The following MGST1 variants were observed in gnomAD, a reference collection of about 807,000 sequenced individuals.
MGST1 encodes the protein glutathione S-transferase 12.
In MGST1, 5 loss-of-function variants were observed where a neutral mutation model predicts 8.9. The observed-to-expected ratio is 0.56, with a 90% CI of 0.29 to 1.19. The LOEUF is 1.19. Ranked by LOEUF, MGST1 falls within the 50% of genes most tolerant of loss-of-function variation. The probability of loss-of-function intolerance (pLI) is 0.08; values close to 1 mark genes in which losing one functional copy is unlikely to be tolerated. For synonymous variants in MGST1, 54 were observed against 67.8 expected, an observed-to-expected ratio of 0.80 and a Z score of 1.00; for missense variants, 182 against 187.4, an observed-to-expected ratio of 0.97 and a Z score of 0.17.
rs1320267169 is a variant in MGST1 at position 16,537,960 on chromosome 12, A to G, written n.483-51568A>G. Among the ~76,000 whole-genome samples, 1 of 152,216 alleles carries G rather than the reference A, an allele frequency of 6.6e-6. No homozygotes were observed. Among genetic ancestry groups the G allele is most frequent in the African/African-American group, 2.4e-5 (1 of 41,464 alleles). The stretch of plus-strand genomic sequence containing the variant: ...CCTTGTTACTTATGCAAATTTCTGC[A>G]GCCAGCTTGAATTTCTTCTCAAAAA... On this transcript the variant is annotated intron_variant and non_coding_transcript_variant, in intron 4 of 4. Coordinates refer to the MGST1 transcript ENST00000538857. The surrounding 1 kb of genome is among the most constrained non-coding windows in gnomAD (Gnocchi z 4.6).
chr12:16,560,394 C>T lies in MGST1; in HGVS notation n.483-29134C>T. 4 of 1,607,610 alleles carry T rather than the reference C, an allele frequency of 2.5e-6. No individual in the cohort carries two copies. The highest frequency in any genetic ancestry group is 3.4e-6 in the Non-Finnish European group (4 of 1,177,328). On this transcript the variant is annotated intron_variant and non_coding_transcript_variant, in intron 4 of 4. Coordinates refer to the MGST1 transcript ENST00000538857. This position sits in a 1 kb window ranked among gnomAD's most constrained non-coding sequence, Gnocchi z 5.0. ...GAGAGGTTAACCATTTCTTAGAGAC[C>T]AAAAAGAGACCTGCTTACCTCTGAT...
At chr12:16,402,171 A>G (rs1591718170) in intron 1 of MGST1, 1 of 1,570,140 alleles carries the variant, frequency 6.4e-7, no homozygotes, top group Non-Finnish European at 8.8e-7. Flanking sequence ...TTGTTTCAAA[A>G]ACTCCACTTT....
chr12:16,383,725 T>G (rs1940479022), intron 1 of MGST1: 1 of 152,228 alleles, frequency 6.6e-6, no homozygotes, highest in South Asian at 2.1e-4. Flanking sequence ...CCTCCCAAAG[T>G]GCTGGGATTA....
At chr12:16,379,373 GT>G (rs1347022512), downstream of MGST1, among the ~76,000 whole-genome samples, 2 of 152,178 alleles carry the variant, frequency 1.3e-5, no homozygotes, top group Non-Finnish European at 2.9e-5. Context: ...GTCGAATTTT[GT>G]CAAAGGCCTT....
At chr12:16,448,877 T>C (rs1409389556) in intron 4 of MGST1, among the ~76,000 whole-genome samples, 2 of 151,858 alleles carry the variant, frequency 1.3e-5, no homozygotes, top group Non-Finnish European at 2.9e-5. Flanking sequence ...GGAAACATTA[T>C]CCCAGTTGGT....
chr12:16,426,231 A>G (rs915325885), intron 1 of MGST1, among the ~76,000 whole-genome samples: 7 of 152,214 alleles, frequency 4.6e-5, no homozygotes, highest in Admixed American at 3.3e-4. Flanking sequence ...CATTCATCTT[A>G]CCTTGGCTAT....
chr12:16,408,257 A>G (rs1354799393), intron 1 of MGST1, among the ~76,000 whole-genome samples: 1 of 152,040 alleles, frequency 6.6e-6, no homozygotes, highest in Non-Finnish European at 1.5e-5. Context: ...CAAAAAAACA[A>G]TAATAACTTT....
intron 3 of MGST1, among the ~76,000 whole-genome samples, chr12:16,372,698 A>C (rs1394890996): frequency 6.6e-6 from 1 of 151,898 alleles, no homozygotes; most frequent in African/African-American, 2.4e-5. Context: ...AAAGAACGGA[A>C]ATCAGTATAT....
intron 1 of MGST1, among the ~76,000 whole-genome samples, chr12:16,433,455 A>G (rs1940956778): frequency 6.6e-6 from 1 of 152,032 alleles, no homozygotes; most frequent in Non-Finnish European, 1.5e-5. Context: ...ACACAGGAAG[A>G]GCTCATGTTT....
At chr12:16,557,382 T>TC (rs1332493201) in intron 4 of MGST1, among the ~76,000 whole-genome samples, 2 of 151,810 alleles carry the variant, frequency 1.3e-5, no homozygotes, top group East Asian at 3.9e-4. Flanking sequence ...TTTTTTTTTT[T>TC]TTTAAACGTA....
intron 4 of MGST1, among the ~76,000 whole-genome samples, chr12:16,470,661 T>C (rs1941284938): frequency 6.6e-6 from 1 of 152,212 alleles, no homozygotes; most frequent in African/African-American, 2.4e-5. Flanking sequence ...TGCCCAATTT[T>C]GAAGAGCTAA....
chr12:16,582,694 G>A lies in MGST1; in HGVS notation n.483-6834G>A, dbSNP rs761972819. Among the ~76,000 whole-genome samples, 14 of 152,076 alleles carry A rather than the reference G, an allele frequency of 9.2e-5. No homozygotes were observed. Among genetic ancestry groups the A allele is most frequent in the East Asian group, 5.8e-4 (3 of 5,186 alleles). ...ATAAGTATACCACAACAAGATCACC[G>A]TTCCTAGGTACGGTCCCTCACTCTT... On this transcript the variant is annotated intron_variant and non_coding_transcript_variant, in intron 4 of 4. Coordinates refer to the MGST1 transcript ENST00000538857. This position sits in a 1 kb window ranked among gnomAD's most constrained non-coding sequence, Gnocchi z 4.1.
intron 1 of MGST1, among the ~76,000 whole-genome samples, chr12:16,386,276 G>A (rs1357091603): frequency 2.0e-5 from 3 of 152,106 alleles, no homozygotes; most frequent in Admixed American, 1.3e-4. Context: ...TGCTGTACAC[G>A]CGGCAAGTTA....
At chr12:16,521,185 T>A (rs1040667478) in intron 4 of MGST1, among the ~76,000 whole-genome samples, 2 of 152,104 alleles carry the variant, frequency 1.3e-5, no homozygotes, top group Non-Finnish European at 2.9e-5. Flanking sequence ...TATTTTTTCC[T>A]GTATGAGTGA....
In MGST1 at chr12:16,371,509, G is replaced by T. The variant is rs181296917; in HGVS notation, c.222-4613G>T. ...ATGGTCTGTGGGCCAAATCTGACCTGCCACCTCTTTTTGTATGGCCCACAA... is the reference window on the plus strand; with the variant it reads ...ATGGTCTGTGGGCCAAATCTGACCTTCCACCTCTTTTTGTATGGCCCACAA... On this transcript the variant is annotated intron_variant, in intron 3 of 3. Coordinates refer to the MGST1 transcript ENST00000535309. Among the ~76,000 whole-genome samples the T allele has an allele frequency of 6.6e-5, 10 of 152,088 alleles. No individual in the cohort carries two copies. The East Asian group carries it at 1.9e-3, about 29-fold the overall frequency.
intron 4 of MGST1, among the ~76,000 whole-genome samples, chr12:16,443,785 G>C (rs1362576436): frequency 2.0e-5 from 3 of 151,596 alleles, no homozygotes; most frequent in Non-Finnish European, 4.4e-5. Flanking sequence ...ATTTCTCTTG[G>C]TCTCTATTCT....
At chr12:16,480,455 T>A (rs1340765764) in intron 4 of MGST1, among the ~76,000 whole-genome samples, 1 of 152,146 alleles carries the variant, frequency 6.6e-6, no homozygotes, top group Non-Finnish European at 1.5e-5. Context: ...ATTTGCTTTT[T>A]AAAAGACACA....
chr12:16,431,961 G>T (rs1320026402), intron 1 of MGST1, among the ~76,000 whole-genome samples: 3 of 151,974 alleles, frequency 2.0e-5, no homozygotes, highest in Non-Finnish European at 4.4e-5. Flanking sequence ...TATTCCTATA[G>T]CATTTATAAA....
chr12:16,426,305 T>A (rs1379869458), intron 1 of MGST1, among the ~76,000 whole-genome samples: 3 of 152,182 alleles, frequency 2.0e-5, no homozygotes, highest in African/African-American at 7.2e-5. Context: ...CAACTGTTCA[T>A]TTTGATTGGA....
Sources: allele counts gnomAD v4.1 joint callset (sites outside exome capture counted in the v4.1 genomes callset), GRCh38; gene constraint gnomAD v4.1.1; non-coding constraint Gnocchi (gnomAD v3.1); transcripts MANE v1.5; gene names NCBI Gene and HGNC (gene_info 2026-07-23, HGNC 2026-07-21).